Variants in GRIA4 observed in about 807,000 individuals in gnomAD.
GRIA4 encodes the protein glutamate receptor 4.
GRIA4 carries 34 observed loss-of-function variants against 104.0 expected under a neutral mutation model. The observed-to-expected ratio is 0.33, with a 90% CI of 0.25 to 0.44. The LOEUF is 0.44. Among genes scored for constraint, GRIA4 ranks in the 20% least tolerant of loss-of-function variants. The pLI is 1.00. For synonymous variants in GRIA4, 386 were observed against 381.9 expected (o/e 1.01, Z -0.13); for missense variants, 750 against 1,096.5 (o/e 0.68, Z 4.46).
chr11:105,789,217 T>C (rs1286959988), intron 4 of GRIA4, among the ~76,000 whole-genome samples: 1 of 152,054 alleles, frequency 6.6e-6, no homozygotes, highest in East Asian at 1.9e-4. Flanking sequence ...ACTTAAGATG[T>C]TAATTCTTTG....
chr11:105,754,414 A>T (rs1940183834), intron 4 of GRIA4, among the ~76,000 whole-genome samples: 1 of 152,208 alleles, frequency 6.6e-6, no homozygotes, highest in Non-Finnish European at 1.5e-5. Context: ...AGTTTGAAAT[A>T]CAAAACTCTA....
chr11:105,753,797 T>A (rs1370646546), intron 4 of GRIA4, among the ~76,000 whole-genome samples: 1 of 152,076 alleles, frequency 6.6e-6, no homozygotes, highest in Non-Finnish European at 1.5e-5. Context: ...ACACTTTACT[T>A]TCATTTCCTC....
intron 3 of GRIA4, among the ~76,000 whole-genome samples, chr11:105,750,071 G>T (rs1424757177): frequency 6.6e-6 from 1 of 151,924 alleles, no homozygotes; most frequent in Non-Finnish European, 1.5e-5. Context: ...TTTATTGTTT[G>T]AATAATTATT....
At chr11:105,677,487 G>A (rs536452249) in intron 3 of GRIA4, among the ~76,000 whole-genome samples, 1 of 151,936 alleles carries the variant, frequency 6.6e-6, no homozygotes, top group African/African-American at 2.4e-5. Context: ...ATTAGAACTA[G>A]GAATTTTTTT....
Position 105,898,416 on chromosome 11 carries a change from A to C in GRIA4, c.874A>C (p.Thr292Pro). The C allele has an allele frequency of 1.3e-6, 2 of 1,571,970 alleles. No homozygotes were observed. Among genetic ancestry groups the C allele is most frequent in the Non-Finnish European group, 1.7e-6 (2 of 1,143,560 alleles). ...LDQREYPGSETPPKYTSALTY... is the reference protein window; with the variant it reads ...LDQREYPGSEPPPKYTSALTY... ...TCAGAGAGAGTATCCAGGATCTGAG[A>C]CTCCTCCAAAGGTATTTGTTTATTT... The change falls in exon 7 of 17, where the codon ACT becomes CCT. Residue 292 changes from threonine to proline, a missense_variant. Around this residue, in one of 3 missense-constraint regions of GRIA4, gnomAD observed 410 missense variants for 502.7 expected, o/e 0.82. Coordinates refer to ENST00000282499, the MANE Select transcript of GRIA4 (RefSeq NM_000829.4).
chr11:105,750,483 C>A (rs538456520), intron 3 of GRIA4, among the ~76,000 whole-genome samples: 4 of 152,066 alleles, frequency 2.6e-5, no homozygotes, highest in Admixed American at 1.3e-4. Flanking sequence ...GGAAGAATGA[C>A]AGACAACTAT....
chr11:105,698,421 T>C (rs567265564), intron 3 of GRIA4, among the ~76,000 whole-genome samples: 3 of 152,246 alleles, frequency 2.0e-5, no homozygotes, highest in African/African-American at 7.2e-5. Context: ...CAAATTAAGA[T>C]AGTAGTCATA....
intron 3 of GRIA4, among the ~76,000 whole-genome samples, chr11:105,658,247 T>C (rs1951902916): frequency 6.6e-6 from 1 of 151,864 alleles, no homozygotes; most frequent in Non-Finnish European, 1.5e-5. Context: ...ATATGAAATA[T>C]GCATTTAGAT....
intron 14 of GRIA4, among the ~76,000 whole-genome samples, chr11:105,947,557 G>C: frequency 6.6e-6 from 1 of 152,276 alleles, no homozygotes; most frequent in African/African-American, 2.4e-5. Flanking sequence ...GGATAACAGA[G>C]CATTGAAATG....
chr11:105,628,922 A>G (rs1014158421), intron 3 of GRIA4, among the ~76,000 whole-genome samples: 2 of 152,118 alleles, frequency 1.3e-5, no homozygotes, highest in African/African-American at 2.4e-5. Flanking sequence ...TAACCTCTTT[A>G]TATTTAGAAA....
intron 10 of GRIA4, among the ~76,000 whole-genome samples, chr11:105,913,823 CACA>C (rs2136173873): frequency 6.6e-6 from 1 of 152,050 alleles, no homozygotes; most frequent in Non-Finnish European, 1.5e-5. Flanking sequence ...ATCTCATGAA[CACA>C]ACAATCCTTT....
intron 3 of GRIA4, among the ~76,000 whole-genome samples, chr11:105,649,469 C>T (rs1437988735): frequency 1.3e-5 from 2 of 152,082 alleles, no homozygotes; most frequent in Non-Finnish European, 2.9e-5. Context: ...CCATTGTTCT[C>T]AATTCTATTT....
intron 14 of GRIA4, 61 bp downstream of exon 14, chr11:105,934,030 TGCC>T: frequency 7.6e-7 from 1 of 1,323,652 alleles, no homozygotes; most frequent in African/African-American, 1.5e-5. Flanking sequence ...TTCCCTGATG[TGCC>T]TGAGAGAATT....
intron 3 of GRIA4, among the ~76,000 whole-genome samples, chr11:105,697,325 T>C (rs1043891172): frequency 5.3e-5 from 8 of 152,112 alleles, no homozygotes; most frequent in African/African-American, 1.9e-4. Context: ...CCTAAATGCA[T>C]GTACAAGTGT....
chr11:105,668,677 C>CTTTT (rs11378145), intron 3 of GRIA4, among the ~76,000 whole-genome samples: 6 of 140,512 alleles, frequency 4.3e-5, no homozygotes, highest in Admixed American at 7.3e-5. Flanking sequence ...TATCTTTTGT[C>CTTTT]TTTTTTTTTT....
At chr11:105,685,782 G>C (rs1365879999) in intron 3 of GRIA4, among the ~76,000 whole-genome samples, 1 of 147,886 alleles carries the variant, frequency 6.8e-6, no homozygotes, top group East Asian at 2.0e-4. Context: ...ACATTAACCT[G>C]GTATGGATTA....
At chr11:105,724,398 T>C (rs575618368) in intron 3 of GRIA4, among the ~76,000 whole-genome samples, 46 of 43,218 alleles carry the variant, frequency 1.1e-3, no homozygotes, top group African/African-American at 3.8e-3. Flanking sequence ...CACACACACA[T>C]ATATATATGT....
intron 4 of GRIA4, among the ~76,000 whole-genome samples, chr11:105,762,451 T>C (rs1472263612): frequency 6.6e-6 from 1 of 152,226 alleles, no homozygotes; most frequent in Admixed American, 6.5e-5. Flanking sequence ...ATCCTTCTGA[T>C]CCACCACAAT....
intron 4 of GRIA4, 63 bp from the exon 5 acceptor site, chr11:105,861,961 C>T (rs2277280): frequency 0.2 from 188,206 of 960,950 alleles, 22,678 homozygotes; most frequent in African/African-American, 0.51. Context: ...AGGCTCAGTA[C>T]CTGCATACAT....
Sources: gnomAD v4.1 joint callset for allele counts (sites outside exome capture counted in the v4.1 genomes callset) on GRCh38, gnomAD v4.1.1 for gene constraint, gnomAD v4.1.1 regional missense constraint, MANE v1.5 for transcripts, NCBI Gene and HGNC (gene_info 2026-07-23, HGNC 2026-07-21) for gene names.